Variants in NISCH observed in about 807,000 individuals in gnomAD.
The protein encoded by NISCH is I-1 receptor candidate protein.
A neutral mutation model predicts 138.4 loss-of-function variants in NISCH; 55 were observed. The ratio of observed to expected loss-of-function variants is 0.40; its 90% confidence interval spans 0.32 to 0.50. The LOEUF is 0.50. Among genes scored for constraint, NISCH ranks in the 20% least tolerant of loss-of-function variants. The pLI is 0.71. For synonymous variants in NISCH, 860 were observed against 861.5 expected (o/e 1.00, Z 0.03); for missense variants, 1,643 against 2,005.5 (o/e 0.82, Z 3.45).
In NISCH at chr3:52,492,334, G is replaced by T. The variant is rs781478543; in HGVS notation, c.4367G>T (p.Gly1456Val). ...CTGGACCACTTTGGGGAGGTGCCAG[G>T]TGGCCCGGCTAGAGCCAGCCAGGGC... Reference protein sequence around the residue: ...VTLDHFGEVPGGPARASQGRE... With the variant: ...VTLDHFGEVPVGPARASQGRE... Residue 1456 changes from glycine to valine, a missense_variant, in exon 21 of 21, where the codon GGT becomes GTT. By Grantham distance (109) the Gly-to-Val change is moderately radical. Coordinates refer to ENST00000345716, the MANE Select transcript of NISCH (RefSeq NM_007184.4). 4.3e-6 allele frequency: 7 copies of T among 1,613,440 alleles called. No homozygotes were observed. Among genetic ancestry groups the T allele is most frequent in the African/African-American group, 4.0e-5 (3 of 75,066 alleles).
At chr3:52,482,000 T>A in intron 13 of NISCH, 1 of 851,606 alleles carries the variant, frequency 1.2e-6, no homozygotes, top group African/African-American at 1.8e-5. Flanking sequence ...ATCCGCTGAG[T>A]GCCCTTTCTG....
At chr3:52,485,649 G>T in intron 14 of NISCH, 129 bp from the exon 15 acceptor site, 1 of 1,006,392 alleles carries the variant, frequency 9.9e-7, no homozygotes, top group Non-Finnish European at 1.5e-6. Flanking sequence ...CCAGGGTACA[G>T]CGTGGGGATG....
rs574440430 is a variant in NISCH, at chr3:52,492,631, G to T, written c.*149G>T. The T allele has an allele frequency of 2.7e-6, 3 of 1,100,860 alleles. No homozygotes were observed. The East Asian group carries it at 7.8e-5, about 29-fold the overall frequency. 68.2% of individuals were successfully genotyped at this position (1,100,860 alleles called of 1,614,324 possible). ...GAATGTGAACATGTGTGTGTGTTGT[G>T]TTAATTCTTTCTCATGTTGGGAGTG... On this transcript the variant is annotated 3_prime_UTR_variant, in exon 21 of 21. Transcript: ENST00000345716.
chr3:52,485,275 A>G (rs993213572), intron 14 of NISCH, among the ~76,000 whole-genome samples: 3 of 152,138 alleles, frequency 2.0e-5, no homozygotes, highest in African/African-American at 7.2e-5. Context: ...TGACACTGGG[A>G]CAGTTTGCAG....
intron 6 of NISCH, 108 bp from the exon 7 acceptor site, chr3:52,473,626 G>T (rs920141614): frequency 7.5e-6 from 5 of 670,338 alleles, no homozygotes; most frequent in Non-Finnish European, 1.3e-5. Flanking sequence ...CTGAGGATTT[G>T]GGTTGCCTGT....
intron 19 of NISCH, 101 bp downstream of exon 19, chr3:52,490,934 T>A (rs1707545310): frequency 1.3e-6 from 2 of 1,510,144 alleles, no homozygotes; most frequent in African/African-American, 2.8e-5. Flanking sequence ...GACAGTTATC[T>A]CTGTGCTCAA....
intron 16 of NISCH, among the ~76,000 whole-genome samples, chr3:52,489,009 C>G (rs1208763735): frequency 6.6e-6 from 1 of 152,190 alleles, no homozygotes; most frequent in African/African-American, 2.4e-5. Flanking sequence ...CTACCTCCTC[C>G]AGGGTCACAG....
rs1471567203 is a variant in NISCH, at chr3:52,489,532, G to C, written c.3310G>C (p.Ala1104Pro). ...APAPPPAEAPAQYPSEHLIQA... is the reference protein window; with the variant it reads ...APAPPPAEAPPQYPSEHLIQA... ...AGCCCCACCCCCAGCCGAGGCCCCT[G>C]CCCAGTACCCGAGTGAGCACCTCAT... Residue 1104 changes from alanine to proline, a missense_variant, in exon 17 of 21, where the codon GCC (alanine) becomes CCC (proline). By Grantham distance (27) the Ala-to-Pro change is conservative (BLOSUM62 -1). Coordinates refer to ENST00000345716, the MANE Select transcript of NISCH (RefSeq NM_007184.4). 2.5e-6 allele frequency: 4 copies of C among 1,613,082 alleles called. No homozygotes were observed. The highest frequency in any genetic ancestry group is 3.3e-5 in the Admixed American group (2 of 60,000).
intron 16 of NISCH, 136 bp downstream of exon 16, chr3:52,488,741 C>T (rs1465406980): frequency 1.7e-5 from 12 of 727,152 alleles, no homozygotes; most frequent in African/African-American, 8.9e-5. Flanking sequence ...TCGCCCCCCC[C>T]GGGCCTCCCT....
At chr3:52,490,609 A>T in intron 18 of NISCH, 96 bp from the exon 19 acceptor site, 1 of 1,552,172 alleles carries the variant, frequency 6.4e-7, no homozygotes, top group East Asian at 2.2e-5. Flanking sequence ...AAGCCAGGCC[A>T]GCCAAGAGGA....
At chr3:52,482,018 G>T in intron 13 of NISCH, 1 of 677,316 alleles carries the variant, frequency 1.5e-6, no homozygotes, top group Non-Finnish European at 1.8e-6. Context: ...CTGACCACTT[G>T]TTTGTACAGG....
At position 52,479,855 on chromosome 3, in the gene NISCH, A is replaced by G. The variant is rs1707216379; in HGVS notation, c.1409A>G (p.Glu470Gly). ...KEVKSKLSNP[E>G]KKGGEDSRLS... is the part of the protein sequence containing the mutation. The stretch of plus-strand genomic sequence containing the variant: ...GTCAAGTCCAAACTGAGCAACCCAG[A>G]GAAGAAGGTGGGTTTGTGTGGCAGG... Residue 470 changes from glutamate to glycine, a missense_variant, in exon 12 of 21, where the codon GAG becomes GGG. Transcript: ENST00000345716. 3.1e-6 allele frequency: 5 copies of G among 1,612,104 alleles called. No individual in the cohort carries two copies. The highest frequency in any genetic ancestry group is 4.2e-6 in the Non-Finnish European group (5 of 1,178,730).
intron 6 of NISCH, among the ~76,000 whole-genome samples, 168 bp downstream of exon 6, chr3:52,472,566 G>A (rs570181257): frequency 1.6e-4 from 25 of 152,340 alleles, no homozygotes; most frequent in Admixed American, 7.8e-4. Flanking sequence ...GAGAAAGAGA[G>A]GCCTCTCCTG....
intron 6 of NISCH, among the ~76,000 whole-genome samples, chr3:52,473,334 C>T (rs1186846500): frequency 2.0e-5 from 3 of 152,162 alleles, no homozygotes; most frequent in Non-Finnish European, 1.5e-5. Flanking sequence ...CCCCTCCTCA[C>T]CACAAGACAG....
At chr3:52,469,707 G>A (rs575693141) in intron 3 of NISCH, among the ~76,000 whole-genome samples, 45 of 152,260 alleles carry the variant, frequency 3.0e-4, no homozygotes, top group Middle Eastern at 3.4e-3. Context: ...TTGAGGACAG[G>A]AGTTTGAGAT....
chr3:52,491,354 T>A lies in NISCH; in HGVS notation c.3745T>A (p.Ser1249Thr), dbSNP rs772616519. The change falls in exon 20 of 21, where the codon TCC becomes ACC. Residue 1249 changes from serine (S) to threonine (T), a missense_variant and splice_region_variant. By Grantham distance (58) the Ser-to-Thr change is moderately conservative. Coordinates refer to ENST00000345716, the MANE Select transcript of NISCH (RefSeq NM_007184.4). ...LFDQHFRLTG[S>T]TPMQVVTCLT... is the part of the protein sequence containing the mutation. Reference sequence around the variant, plus strand: ...CTGACCAGCCCCTTCTCGTGCAGGTTCCACCCCGATGCAGGTGGTCACGTG... The same window carrying A: ...CTGACCAGCCCCTTCTCGTGCAGGTACCACCCCGATGCAGGTGGTCACGTG... 1 of 1,610,930 alleles carries A rather than the reference T, an allele frequency of 6.2e-7. No individual in the cohort carries two copies.
intron 7 of NISCH, chr3:52,476,208 T>C (rs1707093156): frequency 4.0e-6 from 2 of 494,836 alleles, no homozygotes; most frequent in South Asian, 2.4e-5. Flanking sequence ...TTGAAAAGCA[T>C]TGCTCCTAAA....
At chr3:52,491,227 T>A (rs1216220025) in intron 19 of NISCH, 125 bp from the exon 20 acceptor site, 1 of 1,406,916 alleles carries the variant, frequency 7.1e-7, no homozygotes, top group Admixed American at 2.8e-5. Flanking sequence ...GATTCTTTCC[T>A]GTGTGGGCCC....
intron 5 of NISCH, 144 bp downstream of exon 5, chr3:52,472,121 C>A: frequency 1.9e-6 from 2 of 1,057,938 alleles, no homozygotes; most frequent in Non-Finnish European, 2.7e-6. Context: ...TGGCACTATG[C>A]TTCTGGCTGT....
Sources: gnomAD v4.1 joint callset for allele counts (sites outside exome capture counted in the v4.1 genomes callset) on GRCh38, gnomAD v4.1.1 for gene constraint, MANE v1.5 for transcripts, NCBI Gene and HGNC (gene_info 2026-07-23, HGNC 2026-07-21) for gene names.